CMTM7: variants seen among roughly 807,000 people sequenced by gnomAD.
The protein encoded by CMTM7 is CKLF-like MARVEL transmembrane domain-containing protein 7.
A neutral mutation model predicts 19.3 loss-of-function variants in CMTM7; 7 were observed. That is an observed-to-expected ratio of 0.36 (90% CI 0.21 to 0.68). The LOEUF (loss-of-function observed/expected upper bound fraction) is 0.68, where lower values mean the gene tolerates loss of function less well. Among genes scored for constraint, CMTM7 ranks in the 30% least tolerant of loss-of-function variants. The pLI is 0.60. For synonymous variants in CMTM7, 87 were observed against 99.3 expected, an observed-to-expected ratio of 0.88 and a Z score of 0.74; for missense variants, 193 against 232.6, an observed-to-expected ratio of 0.83 and a Z score of 1.11.
At chr3:32,452,119 A>T in intron 3 of CMTM7, 1 of 1,457,068 alleles carries the variant, frequency 6.9e-7, no homozygotes, top group Non-Finnish European at 9.1e-7. Context: ...GTAAACCCAG[A>T]CCAGGCACTG....
intron 3 of CMTM7, among the ~76,000 whole-genome samples, chr3:32,450,299 G>A (rs1696811453): frequency 6.6e-6 from 1 of 152,150 alleles, no homozygotes; most frequent in Non-Finnish European, 1.5e-5. Context: ...GCCAGATGTG[G>A]TAGCTAGCAT....
At chr3:32,451,945 A>C (rs1696838703) in intron 3 of CMTM7, 1 of 604,484 alleles carries the variant, frequency 1.7e-6, no homozygotes, top group Non-Finnish European at 2.7e-6. Context: ...TGAAGCCAGA[A>C]TGGAACAGAA....
chr3:32,399,347 GAATTTTGACAGTGC>G (rs747275059), intron 1 of CMTM7, among the ~76,000 whole-genome samples: 2 of 151,458 alleles, frequency 1.3e-5, no homozygotes, highest in African/African-American at 2.4e-5. Flanking sequence ...ATGCAAACTG[GAATTTTGACAGTGC>G]AATTTTGACA....
intron 1 of CMTM7, among the ~76,000 whole-genome samples, chr3:32,424,360 A>T (rs1696393787): frequency 6.6e-6 from 1 of 152,134 alleles, no homozygotes. Context: ...TGTCACTTCC[A>T]TCACATTACA....
At chr3:32,411,732 C>G (rs947344598) in intron 1 of CMTM7, among the ~76,000 whole-genome samples, 9 of 152,230 alleles carry the variant, frequency 5.9e-5, no homozygotes, top group African/African-American at 2.2e-4. Context: ...TCTGACCTTG[C>G]CACATGCATA....
chr3:32,412,605 C>G (rs1415504984), intron 1 of CMTM7, among the ~76,000 whole-genome samples: 1 of 113,010 alleles, frequency 8.8e-6, no homozygotes, highest in Admixed American at 9.3e-5. Context: ...TTTTATAGAC[C>G]TAGCGTTTTT....
chr3:32,414,801 A>G (rs922971382), intron 1 of CMTM7, among the ~76,000 whole-genome samples: 1 of 152,188 alleles, frequency 6.6e-6, no homozygotes, highest in Non-Finnish European at 1.5e-5. Context: ...GCATGCCAGG[A>G]ACTGTGCGTA....
intron 1 of CMTM7, among the ~76,000 whole-genome samples, chr3:32,417,231 C>G (rs908193933): frequency 6.6e-6 from 1 of 152,208 alleles, no homozygotes; most frequent in Non-Finnish European, 1.5e-5. Context: ...CATAGTCAAT[C>G]CTTTCCCCAC....
chr3:32,431,179 A>C (rs1696512569), intron 1 of CMTM7, among the ~76,000 whole-genome samples: 1 of 152,210 alleles, frequency 6.6e-6, no homozygotes, highest in Non-Finnish European at 1.5e-5. Flanking sequence ...ATGTCTTTTT[A>C]AGAGGCAGAG....
intron 1 of CMTM7, among the ~76,000 whole-genome samples, chr3:32,408,155 A>G (rs1268141258): frequency 6.6e-6 from 1 of 152,216 alleles, no homozygotes; most frequent in Non-Finnish European, 1.5e-5. Context: ...GAGTCTCCGG[A>G]GGGAGCACTG....
chr3:32,397,221 T>C (rs1163127493), intron 1 of CMTM7, among the ~76,000 whole-genome samples: 2 of 152,184 alleles, frequency 1.3e-5, no homozygotes, highest in Non-Finnish European at 2.9e-5. Flanking sequence ...CTTGCTTATA[T>C]AGGTTATTAA....
intron 4 of CMTM7, among the ~76,000 whole-genome samples, chr3:32,453,322 C>G (rs896913771): frequency 6.6e-6 from 1 of 152,006 alleles, no homozygotes; most frequent in Non-Finnish European, 1.5e-5. Context: ...ATCACACTAC[C>G]CAGAAGTAGC....
At chr3:32,422,200 G>A (rs942168094) in intron 1 of CMTM7, among the ~76,000 whole-genome samples, 2 of 152,080 alleles carry the variant, frequency 1.3e-5, no homozygotes, top group Non-Finnish European at 2.9e-5. Context: ...TCCCTTAATG[G>A]CTTTTCTATT....
At chr3:32,396,884 A>G (rs1695926621) in intron 1 of CMTM7, among the ~76,000 whole-genome samples, 1 of 152,260 alleles carries the variant, frequency 6.6e-6, no homozygotes, top group African/African-American at 2.4e-5. Flanking sequence ...AGGAGACCCC[A>G]GGATGGGGCT....
rs552414129 is a variant in CMTM7 at position 32,438,724 on chromosome 3, G to C, written c.160-3116G>C. Among the ~76,000 whole-genome samples, 9 of 152,292 alleles carry C rather than the reference G, an allele frequency of 5.9e-5. No homozygotes were observed. The South Asian group carries it at 1.7e-3, about 28-fold the overall frequency. ...ATGAGCAAGTTTCCCAGAAAGGTTC[G>C]AGATGTTTCTGATAGAGCAGGAATG... is the stretch of plus-strand genomic sequence containing the variant. On this transcript the variant is annotated intron_variant, in intron 1 of 4. Transcript: ENST00000334983.
At chr3:32,404,229 C>T (rs1484375430) in intron 1 of CMTM7, among the ~76,000 whole-genome samples, 4 of 140,428 alleles carry the variant, frequency 2.8e-5, no homozygotes, top group Admixed American at 1.5e-4. Flanking sequence ...GGCTCAATCT[C>T]GGCCCACTGC....
intron 1 of CMTM7, among the ~76,000 whole-genome samples, chr3:32,401,068 G>C (rs1695995024): frequency 6.6e-6 from 1 of 152,188 alleles, no homozygotes; most frequent in Non-Finnish European, 1.5e-5. Context: ...AAGTGTGATA[G>C]TAATAGTATT....
At position 32,454,471 on chromosome 3, in the gene CMTM7, C is replaced by T; in HGVS notation, c.*217C>T. The T allele has an allele frequency of 1.4e-6, 1 of 706,384 alleles. No homozygotes were observed. The highest frequency in any genetic ancestry group is 2.6e-6 in the Non-Finnish European group (1 of 388,338). The allele number at this position is 706,384 out of a possible 1,614,324, so 43.8% of individuals were successfully genotyped here. A position where few individuals can be genotyped will look rare whatever the true frequency, so the allele number is the denominator to read the frequency against. ...CTCCAGCCTTCCGGGGAGAACATCC[C>T]TCCCATTCTGGGAAAGGAAAGCAGC... On this transcript the variant is annotated 3_prime_UTR_variant, in exon 5 of 5. Coordinates refer to ENST00000334983, the MANE Select transcript of CMTM7 (RefSeq NM_138410.4).
At chr3:32,411,283 G>A (rs756690882) in intron 1 of CMTM7, among the ~76,000 whole-genome samples, 1 of 152,124 alleles carries the variant, frequency 6.6e-6, no homozygotes, top group Non-Finnish European at 1.5e-5. Flanking sequence ...CAGGATTTTT[G>A]TCTTATGCTT....
Sources: allele counts gnomAD v4.1 joint callset (sites outside exome capture counted in the v4.1 genomes callset), GRCh38; gene constraint gnomAD v4.1.1; transcripts MANE v1.5; gene names NCBI Gene and HGNC (gene_info 2026-07-23, HGNC 2026-07-21).